The following USP53 variants were observed in gnomAD, a reference collection of about 807,000 sequenced individuals.
USP53 encodes the protein ubiquitin specific peptidase 53.
A neutral mutation model predicts 94.9 loss-of-function variants in USP53; 71 were observed. The observed-to-expected ratio is 0.75, with a 90% confidence interval of 0.62 to 0.91. The LOEUF (loss-of-function observed/expected upper bound fraction) is 0.91. USP53 is among the 40% of genes least tolerant of loss of function. USP53 has a pLI of 0.00. For synonymous variants in USP53, 375 were observed against 422.7 expected (o/e 0.89, Z 1.39); for missense variants, 1,173 against 1,281.0 (o/e 0.92, Z 1.29).
Position 119,248,851 on chromosome 4 carries a change from T to G in USP53, c.341T>G (p.Leu114Arg). Residue 114 changes from leucine to arginine, a missense_variant, in exon 7 of 19, where the codon CTT (leucine) becomes CGT (arginine). Transcript: ENST00000692078. Reference protein sequence around the residue: ...ESFKDEQRFQLGLMDDAAECF... With the variant: ...ESFKDEQRFQRGLMDDAAECF... ...TTCAAAGATGAGCAGCGATTTCAAC[T>G]TGGCCTTATGGATGATGCTGCGGAG... 6.2e-7 allele frequency: 1 copy of G among 1,614,154 alleles called. No individual in the cohort carries two copies. Among genetic ancestry groups the G allele is most frequent in the South Asian group, 1.1e-5 (1 of 91,076 alleles).
At chr4:119,255,757 C>T (rs889010088) in intron 7 of USP53, among the ~76,000 whole-genome samples, 2 of 152,228 alleles carry the variant, frequency 1.3e-5, no homozygotes, top group African/African-American at 4.8e-5. Flanking sequence ...GGGCTGCACT[C>T]ACTGTCCAAC....
Position 119,272,057 on chromosome 4 carries a change from C to T in USP53, c.2174+23C>T, listed in dbSNP as rs770441530. The T allele has an allele frequency of 2.3e-5, 35 of 1,527,174 alleles. No individual in the cohort carries two copies. The East Asian group carries it at 7.5e-4, about 33-fold the overall frequency. The allele number at this position is 1,527,174 out of a possible 1,614,324, so 94.6% of individuals were successfully genotyped here. On this transcript the variant is annotated intron_variant, in intron 16 of 18. Transcript: ENST00000692078. ...CAGGTAATGTAAAAGTTGAGTGAAT[C>T]ATTTTTCCATCACTCTTCTTTTTTG...
At chr4:119,213,660 A>ATATATGTGTGTGTGTGTGTG in intron 1 of USP53, among the ~76,000 whole-genome samples, 149 of 117,778 alleles carry the variant, frequency 1.3e-3, no homozygotes, top group African/African-American at 4.9e-3. Flanking sequence ...ATATATATAT[A>ATATATGTGTGTGTGTGTGTG]TGTGTGTGTG....
At chr4:119,290,052 T>C (rs570451324) in intron 17 of USP53, among the ~76,000 whole-genome samples, 2 of 152,276 alleles carry the variant, frequency 1.3e-5, no homozygotes, top group African/African-American at 4.8e-5. Flanking sequence ...GAAATCCAAA[T>C]GTAGATAATG....
In USP53 at chr4:119,248,798, T is replaced by C; in HGVS notation, c.288T>C (p.Asp96=). Residue 96 remains aspartate (D), a synonymous_variant, in exon 7 of 19, where the codon GAT becomes GAC. Coordinates refer to ENST00000692078, the MANE Select transcript of USP53 (RefSeq NM_001371395.1). Reference sequence around the variant, plus strand: ...GTCGAGAAAAAGCACTTCCCTCAGATAACATAAGGCATGCTCTTGCAGAAA... The same window carrying C: ...GTCGAGAAAAAGCACTTCCCTCAGACAACATAAGGCATGCTCTTGCAGAAA... The part of the protein sequence containing the change: ...QHSREKALPS[D]NIRHALAESF... 6.2e-7 allele frequency: 1 copy of C among 1,614,100 alleles called. No individual in the cohort carries two copies. Among genetic ancestry groups the C allele is most frequent in the Non-Finnish European group, 8.5e-7 (1 of 1,180,020 alleles).
intron 17 of USP53, among the ~76,000 whole-genome samples, chr4:119,284,564 C>T (rs188261346): frequency 5.3e-5 from 8 of 151,712 alleles, no homozygotes; most frequent in African/African-American, 1.4e-4. Flanking sequence ...AAATTACATT[C>T]GAGACAGAAG....
intron 5 of USP53, among the ~76,000 whole-genome samples, chr4:119,241,746 T>C (rs1179694254): frequency 1.3e-5 from 2 of 152,144 alleles, no homozygotes; most frequent in African/African-American, 4.8e-5. Context: ...TCTGTGCGTT[T>C]TGGATTTAAA....
intron 6 of USP53, among the ~76,000 whole-genome samples, chr4:119,246,767 C>A (rs935915409): frequency 6.6e-6 from 1 of 152,092 alleles, no homozygotes; most frequent in African/African-American, 2.4e-5. Flanking sequence ...GGCTGCTCTG[C>A]TGAGGAAAAT....
chr4:119,256,876 T>A (rs1264512092), intron 9 of USP53, among the ~76,000 whole-genome samples: 1 of 152,180 alleles, frequency 6.6e-6, no homozygotes, highest in Non-Finnish European at 1.5e-5. Flanking sequence ...AATGGCCATA[T>A]TTTCAGTCAG....
chr4:119,283,805 A>G (rs1174034261), intron 17 of USP53, among the ~76,000 whole-genome samples: 1 of 151,910 alleles, frequency 6.6e-6, no homozygotes, highest in African/African-American at 2.4e-5. Flanking sequence ...ATCTAGGTAA[A>G]CAGCATTATT....
At chr4:119,270,384 A>G (rs1466098336) in intron 15 of USP53, among the ~76,000 whole-genome samples, 1 of 152,124 alleles carries the variant, frequency 6.6e-6, no homozygotes, top group Non-Finnish European at 1.5e-5. Context: ...AGGGGTACCC[A>G]GACCTATTAT....
chr4:119,293,089 T>G lies in USP53; in HGVS notation c.3100T>G (p.Ser1034Ala), dbSNP rs372697356. Residue 1034 changes from serine to alanine, a missense_variant, in exon 19 of 19, where the codon TCA (serine) becomes GCA (alanine). By Grantham distance (99) the Ser-to-Ala change is moderately conservative. Coordinates refer to ENST00000692078, the MANE Select transcript of USP53 (RefSeq NM_001371395.1). ...SISTCPNETV[S>A]LTTYFSVDSC... is the part of the protein sequence containing the mutation. ...TTCTACCTGTCCAAATGAGACAGTT[T>G]CATTAACTACCTATTTTTCAGTTGA... is the stretch of plus-strand genomic sequence containing the variant. 1.1e-5 allele frequency: 18 copies of G among 1,613,914 alleles called. No homozygotes were observed. Among genetic ancestry groups the G allele is most frequent in the Non-Finnish European group, 1.4e-5 (16 of 1,179,940 alleles).
chr4:119,267,566 T>C, intron 13 of USP53, 84 bp downstream of exon 13: 1 of 1,357,100 alleles, frequency 7.4e-7, no homozygotes, highest in South Asian at 1.6e-5. Flanking sequence ...ATAAAATGAA[T>C]ATAGAGGATA....
At chr4:119,224,250 G>A (rs549127951) in intron 3 of USP53, among the ~76,000 whole-genome samples, 1 of 151,854 alleles carries the variant, frequency 6.6e-6, no homozygotes, top group Admixed American at 6.6e-5. Flanking sequence ...TGCCCACCTT[G>A]GCCTCCCAAA....
intron 17 of USP53, among the ~76,000 whole-genome samples, chr4:119,279,511 AGACAGG>A (rs1753179308): frequency 6.8e-6 from 1 of 146,526 alleles, no homozygotes; most frequent in Non-Finnish European, 1.5e-5. Flanking sequence ...CAAAGCTGTC[AGACAGG>A]GACACTTAAG....
At position 119,271,737 on chromosome 4, in the gene USP53, G is replaced by GT; in HGVS notation, c.1878dup (p.Asn627Ter). 6.2e-7 allele frequency: 1 copy of GT among 1,614,054 alleles called. No individual in the cohort carries two copies. The highest frequency in any genetic ancestry group is 1.1e-5 in the South Asian group (1 of 91,046). On this transcript the variant is annotated frameshift_variant, in exon 16 of 19. Transcript: ENST00000692078. LOFTEE classifies it high-confidence loss of function. ...AAATCTAGCAAGGATCCGAGTTTTA[G>GT]TAATTGGCCAAAAGAGAATCCAAAG...
At chr4:119,283,153 C>T (rs1753700059) in intron 17 of USP53, among the ~76,000 whole-genome samples, 1 of 151,852 alleles carries the variant, frequency 6.6e-6, no homozygotes, top group Non-Finnish European at 1.5e-5. Context: ...TTTAAATTGC[C>T]ACAATGCCAT....
rs1263643837 is a variant in USP53, at chr4:119,294,700, G to A, written c.*1489G>A. 1 of 152,084 alleles carries A rather than the reference G, an allele frequency of 6.6e-6. No individual in the cohort carries two copies. The highest frequency in any genetic ancestry group is 6.6e-5 in the Admixed American group (1 of 15,254). The allele number at this position is 152,084 out of a possible 1,614,324, so 9.4% of individuals were successfully genotyped here. A position where few individuals can be genotyped will look rare whatever the true frequency, so the allele number is the denominator to read the frequency against. ...TTGTAACTAATTTAATGTGAATACT[G>A]TTAAACAGAAAATAATTGCTTATAA... is the stretch of plus-strand genomic sequence containing the variant. On this transcript the variant is annotated 3_prime_UTR_variant, in exon 19 of 19. Coordinates refer to ENST00000692078, the MANE Select transcript of USP53 (RefSeq NM_001371395.1).
At chr4:119,288,446 C>A (rs1390792513) in intron 17 of USP53, among the ~76,000 whole-genome samples, 1 of 152,150 alleles carries the variant, frequency 6.6e-6, no homozygotes, top group Non-Finnish European at 1.5e-5. Flanking sequence ...ATTTTAATAG[C>A]TTTTCCTAAA....
Sources: allele counts gnomAD v4.1 joint callset (sites outside exome capture counted in the v4.1 genomes callset), GRCh38; gene constraint gnomAD v4.1.1; transcripts MANE v1.5; gene names NCBI Gene and HGNC (gene_info 2026-07-23, HGNC 2026-07-21).